The following OSGIN1 variants were observed in gnomAD, a reference collection of about 807,000 sequenced individuals.
The protein encoded by OSGIN1 is oxidative stress induced growth inhibitor 1.
In OSGIN1, 19 loss-of-function variants were observed where a neutral mutation model predicts 20.1. That is an observed-to-expected ratio of 0.95 (90% CI 0.66 to 1.39). The LOEUF (loss-of-function observed/expected upper bound fraction) is 1.39. Among genes scored for constraint, OSGIN1 ranks in the 40% most tolerant of loss-of-function variants. The pLI, the probability that OSGIN1 is intolerant of heterozygous loss-of-function variation, is 0.00. For missense variants in OSGIN1, 820 were observed against 653.0 expected (o/e 1.26, Z -2.79); for synonymous variants, 368 against 297.8 (o/e 1.24, Z -2.43).
Position 83,959,341 on chromosome 16 carries a change from A to C in OSGIN1, c.149A>C (p.His50Pro), listed in dbSNP as rs1230408880. The C allele has an allele frequency of 2.5e-6, 4 of 1,612,056 alleles. No homozygotes were observed. The highest frequency in any genetic ancestry group is 3.4e-6 in the Non-Finnish European group (4 of 1,179,602). The change falls in exon 3 of 6, where the codon CAC becomes CCC. Residue 50 changes from histidine (H) to proline (P), a missense_variant. Transcript: ENST00000393306. Reference protein sequence around the residue: ...PYTKPDAIHPHPLLQRKLTEA... With the variant: ...PYTKPDAIHPPPLLQRKLTEA... ...ACGAAGCCAGATGCCATCCACCCAC[A>C]CCCCCTGCTGCAGAGGAAGCTCACC... is the stretch of plus-strand genomic sequence containing the variant.
In OSGIN1 at chr16:83,965,280, C is replaced by T. The variant is rs374681524; in HGVS notation, c.707C>T (p.Ser236Leu). 181 of 1,604,828 alleles carry T rather than the reference C, an allele frequency of 1.1e-4. No homozygotes were observed. Among genetic ancestry groups the T allele is most frequent in the Non-Finnish European group, 1.4e-4 (166 of 1,174,998 alleles). ...LTRNQAQQPF[S>L]LWARNVVLAT... is the part of the protein sequence containing the mutation. Reference sequence around the variant, plus strand: ...AGGAACCAGGCCCAGCAGCCCTTCTCGCTGTGGGCCCGCAACGTGGTCCTC... The same window carrying T: ...AGGAACCAGGCCCAGCAGCCCTTCTTGCTGTGGGCCCGCAACGTGGTCCTC... The change falls in exon 6 of 6, where the codon TCG (serine) becomes TTG (leucine). Residue 236 changes from serine to leucine, a missense_variant. By Grantham distance (145) the Ser-to-Leu change is moderately radical (BLOSUM62 -2). Transcript: ENST00000393306.
At chr16:83,957,967 C>A (rs2741873) in intron 2 of OSGIN1, among the ~76,000 whole-genome samples, 95,780 of 152,018 alleles carry the variant, frequency 0.63, 32,240 homozygotes, top group East Asian at 0.76. Flanking sequence ...ACCTCTCCCT[C>A]CCGGGCTCAA....
At chr16:83,955,898 C>A (rs537206133) in intron 1 of OSGIN1, among the ~76,000 whole-genome samples, 1 of 152,134 alleles carries the variant, frequency 6.6e-6, no homozygotes, top group Non-Finnish European at 1.5e-5. Flanking sequence ...AGACAGGACA[C>A]GGAGGCTGTC....
intron 3 of OSGIN1, 29 bp downstream of exon 3, chr16:83,959,425 G>T: frequency 6.2e-7 from 1 of 1,604,584 alleles, no homozygotes; most frequent in Non-Finnish European, 8.5e-7. Flanking sequence ...AGAGCTCTGG[G>T]TAGTACATAC....
At chr16:83,958,343 G>A (rs796778616) in intron 2 of OSGIN1, among the ~76,000 whole-genome samples, 44 of 152,294 alleles carry the variant, frequency 2.9e-4, no homozygotes, top group African/African-American at 1.0e-3. Flanking sequence ...GTGGCGCAGG[G>A]AGGCCTGGTC....
intron 4 of OSGIN1, 46 bp from the exon 5 acceptor site, chr16:83,960,935 G>T (rs112408286): frequency 6.3e-7 from 1 of 1,589,392 alleles, no homozygotes. Context: ...CCCCAAATGG[G>T]TTCAGGCGAG....
intron 2 of OSGIN1, among the ~76,000 whole-genome samples, 180 bp downstream of exon 2, chr16:83,957,918 C>T (rs1909021436): frequency 6.6e-6 from 1 of 151,524 alleles, no homozygotes; most frequent in African/African-American, 2.4e-5. Flanking sequence ...ACTCTGTCGC[C>T]CAGGCTGGAG....
chr16:83,962,863 G>A (rs748185283), intron 5 of OSGIN1, among the ~76,000 whole-genome samples: 11 of 152,192 alleles, frequency 7.2e-5, no homozygotes, highest in Non-Finnish European at 1.3e-4. Context: ...TGAGTAGGAC[G>A]GGAGGCAGCT....
rs527348861 is a variant in OSGIN1, at chr16:83,959,930, C to G, written c.204+534C>G. 3.7e-3 allele frequency among the ~76,000 whole-genome samples: 561 copies of G among 152,310 alleles called. 6 individuals are homozygous for G. Among genetic ancestry groups the G allele is most frequent in the African/African-American group, 0.013 (541 of 41,590 alleles). On this transcript the variant is annotated intron_variant, in intron 3 of 5. Transcript: ENST00000393306. ...TTTCAGTCCCACTACCTCCTGCCCA[C>G]AAGGGTTTGCAAATCCTCCCTCCGT...
chr16:83,963,957 C>T (rs1324381656), intron 5 of OSGIN1, among the ~76,000 whole-genome samples: 2 of 148,772 alleles, frequency 1.3e-5, no homozygotes, highest in African/African-American at 2.4e-5. Context: ...GGGCTGGGAA[C>T]GATGGTGAGT....
At position 83,965,636 on chromosome 16, in the gene OSGIN1, T is replaced by C. The variant is rs2084269895; in HGVS notation, c.1063T>C (p.Tyr355His). ...REQSILSPSP[Y>H]EGYRSLPRHQ... ...GCAGTCCATCCTGTCGCCCAGCCCC[T>C]ATGAGGGTTACCGCAGCCTCCCCAG... Residue 355 changes from tyrosine (Y) to histidine (H), a missense_variant, in exon 6 of 6, where the codon TAT (tyrosine) becomes CAT (histidine). By Grantham distance (83) the Tyr-to-His change is moderately conservative. Transcript: ENST00000393306. 1.9e-6 allele frequency: 3 copies of C among 1,613,144 alleles called. No individual in the cohort carries two copies. The highest frequency in any genetic ancestry group is 1.3e-5 in the African/African-American group (1 of 74,914).
At position 83,961,084 on chromosome 16, in the gene OSGIN1, C is replaced by T; in HGVS notation, c.488+12C>T. The T allele has an allele frequency of 1.2e-6, 2 of 1,607,544 alleles. No individual in the cohort carries two copies. Among genetic ancestry groups the T allele is most frequent in the Non-Finnish European group, 1.7e-6 (2 of 1,174,726 alleles). The stretch of plus-strand genomic sequence containing the variant: ...CAGAAGAAGCGAAGGTGAGGCCGCC[C>T]CGGAACGCCTTGGGGGACACGGAAG... On this transcript the variant is annotated intron_variant, in intron 5 of 5. Transcript: ENST00000393306.
rs190377185 is a variant in OSGIN1, at chr16:83,953,644, C to T, written c.-33+274C>T. On this transcript the variant is annotated intron_variant, in intron 1 of 5. Transcript: ENST00000393306. ...GCCACAGTCCCAGCGTACCCTGGGC[C>T]ATGTGACCGCCGCTCCTAGCAGGAA... Among the ~76,000 whole-genome samples the T allele has an allele frequency of 2.4e-4, 37 of 152,356 alleles. No individual in the cohort carries two copies. The East Asian group carries it at 7.1e-3, about 29-fold the overall frequency.
chr16:83,954,335 G>A (rs904676431), intron 1 of OSGIN1: 8 of 152,278 alleles, frequency 5.3e-5, no homozygotes, highest in African/African-American at 1.9e-4. Context: ...AGAAACGTCA[G>A]TCGAAGGTGC....
chr16:83,957,682 C>A lies in OSGIN1; in HGVS notation c.11C>A (p.Ser4Tyr). ...AGCCCCCCACCAGCCATGAGCTCCT[C>A]CAGAAAGGACCACCTCGGCGCCAGC... MSS[S>Y]RKDHLGASSS... Residue 4 changes from serine to tyrosine, a missense_variant, in exon 2 of 6, where the codon TCC (serine) becomes TAC (tyrosine). Transcript: ENST00000393306. 1 of 1,606,822 alleles carries A rather than the reference C, an allele frequency of 6.2e-7. No homozygotes were observed. The highest frequency in any genetic ancestry group is 8.5e-7 in the Non-Finnish European group (1 of 1,176,344).
intron 1 of OSGIN1, chr16:83,957,224 C>T: frequency 5.8e-6 from 1 of 171,314 alleles, no homozygotes; most frequent in Non-Finnish European, 1.3e-5. Flanking sequence ...GACGAGTCCA[C>T]CAGGCCACAC....
chr16:83,962,538 G>A (rs1018833851), intron 5 of OSGIN1, among the ~76,000 whole-genome samples: 1 of 152,226 alleles, frequency 6.6e-6, no homozygotes, highest in African/African-American at 2.4e-5. Context: ...ACCACGCCAG[G>A]CTAATTTAGG....
intron 4 of OSGIN1, 52 bp downstream of exon 4, chr16:83,960,812 C>G (rs1330833035): frequency 6.3e-7 from 1 of 1,576,038 alleles, no homozygotes; most frequent in African/African-American, 1.3e-5. Flanking sequence ...CCCTCGTTCT[C>G]CCCACTTGGG....
chr16:83,956,210 A>G lies in OSGIN1; in HGVS notation c.-32-1430A>G, dbSNP rs115416799. On this transcript the variant is annotated intron_variant, in intron 1 of 5. Coordinates refer to ENST00000393306, the MANE Select transcript of OSGIN1 (RefSeq NM_182981.3). ...TGGCCCATCTGTGTGGCAGTTTCTC[A>G]TCCCTCTCCTCGGGACCTGCCTGGA... is the stretch of plus-strand genomic sequence containing the variant. 1.6e-3 allele frequency among the ~76,000 whole-genome samples: 244 copies of G among 152,270 alleles called. 1 individual carries two copies. Among genetic ancestry groups the G allele is most frequent in the African/African-American group, 5.7e-3 (238 of 41,552 alleles).
Sources: gnomAD v4.1 joint callset for allele counts (sites outside exome capture counted in the v4.1 genomes callset) on GRCh38, gnomAD v4.1.1 for gene constraint, MANE v1.5 for transcripts, NCBI Gene and HGNC (gene_info 2026-07-23, HGNC 2026-07-21) for gene names.